Variants in PCDHGA12 observed in about 807,000 individuals in gnomAD.
PCDHGA12 encodes the protein protocadherin gamma-A12.
Under a neutral mutation model 61.1 loss-of-function variants are expected in PCDHGA12, and 43 were observed. The observed-to-expected ratio is 0.70, with a 90% confidence interval of 0.55 to 0.91. The LOEUF is 0.91. Ranked by LOEUF, PCDHGA12 falls within the 40% of genes least tolerant of loss-of-function variation. The pLI is 0.00. For synonymous variants in PCDHGA12, 520 were observed against 542.9 expected (o/e 0.96, Z 0.59); for missense variants, 1,236 against 1,227.7 (o/e 1.01, Z -0.10).
intron 1 of PCDHGA12, among the ~76,000 whole-genome samples, chr5:141,468,921 G>A (rs1254189500): frequency 6.6e-6 from 1 of 151,342 alleles, no homozygotes; most frequent in African/African-American, 2.4e-5. Context: ...GAAGAGAATA[G>A]CACTAAAATG....
rs983317324 is a variant in PCDHGA12, at chr5:141,431,891, G to A, written c.1132G>A (p.Glu378Lys). ...LLNVNDQDSE[E>K]NGQVICFIQG... The stretch of plus-strand genomic sequence containing the variant: ...AAATGTAAATGACCAAGATTCTGAG[G>A]AAAACGGACAGGTGATCTGTTTCAT... Residue 378 changes from glutamate to lysine, a missense_variant, in exon 1 of 4, where the codon GAA becomes AAA. By Grantham distance (56) the Glu-to-Lys change is moderately conservative (BLOSUM62 1). Transcript: ENST00000252085. The surrounding 1 kb of genome is among the most constrained non-coding windows in gnomAD (Gnocchi z 4.8). 16 of 1,614,072 alleles carry A rather than the reference G, an allele frequency of 9.9e-6. No homozygotes were observed. The highest frequency in any genetic ancestry group is 2.7e-5 in the African/African-American group (2 of 74,934).
At chr5:141,454,620 G>T (rs1028840158) in intron 1 of PCDHGA12, among the ~76,000 whole-genome samples, 1 of 151,520 alleles carries the variant, frequency 6.6e-6, no homozygotes, top group East Asian at 1.9e-4. Flanking sequence ...TGGTCAGGCT[G>T]GTCTCGAACC....
chr5:141,446,455 T>G (rs1347586383), intron 1 of PCDHGA12, among the ~76,000 whole-genome samples: 1 of 151,858 alleles, frequency 6.6e-6, no homozygotes, highest in Non-Finnish European at 1.5e-5. Context: ...AGATATTCAG[T>G]GTGTGATTAG....
Position 141,491,935 on chromosome 5 carries a change from C to A in PCDHGA12, c.2425-2872C>A. 1 of 1,205,518 alleles carries A rather than the reference C, an allele frequency of 8.3e-7. No homozygotes were observed. Among genetic ancestry groups the A allele is most frequent in the South Asian group, 1.7e-5 (1 of 59,176 alleles). 74.7% of individuals were successfully genotyped at this position (1,205,518 alleles called of 1,614,324 possible). On this transcript the variant is annotated intron_variant, in intron 1 of 3. Transcript: ENST00000252085. The surrounding 1 kb of genome is among the most constrained non-coding windows in gnomAD (Gnocchi z 6.9). ...GACTGTGGGCGAGGGGAGGTGGGACCGACCCCCACCCCTACACTCAAAAAA... is the reference window on the plus strand; with the variant it reads ...GACTGTGGGCGAGGGGAGGTGGGACAGACCCCCACCCCTACACTCAAAAAA...
At chr5:141,466,450 G>T (rs139024933) in intron 1 of PCDHGA12, among the ~76,000 whole-genome samples, 1 of 152,172 alleles carries the variant, frequency 6.6e-6, no homozygotes, top group Non-Finnish European at 1.5e-5. Context: ...TGTCTATGGT[G>T]TTGGCTATTG....
intron 3 of PCDHGA12, among the ~76,000 whole-genome samples, chr5:141,509,277 T>TC (rs566266970): frequency 0.011 from 1,653 of 152,240 alleles, 22 homozygotes; most frequent in Non-Finnish European, 0.018. Context: ...CGCTACCCGC[T>TC]CCCAGGGTCC....
At chr5:141,443,029 C>T (rs1281303741) in intron 1 of PCDHGA12, among the ~76,000 whole-genome samples, 3 of 152,192 alleles carry the variant, frequency 2.0e-5, no homozygotes, top group Non-Finnish European at 2.9e-5. Flanking sequence ...AGTTGCCAGA[C>T]CTAAACTTTG....
rs2097403311 is a variant in PCDHGA12 at position 141,431,640 on chromosome 5, T to C, written c.881T>C (p.Leu294Pro). 6.2e-7 allele frequency: 1 copy of C among 1,614,094 alleles called. No individual in the cohort carries two copies. The highest frequency in any genetic ancestry group is 8.5e-7 in the Non-Finnish European group (1 of 1,180,040). The change falls in exon 1 of 4, where the codon CTA becomes CCA. Residue 294 changes from leucine (L) to proline (P), a missense_variant. Physicochemically the swap from Leu to Pro is moderately conservative, Grantham distance 98 (BLOSUM62 -3). Coordinates refer to ENST00000252085, the MANE Select transcript of PCDHGA12 (RefSeq NM_003735.3). This position sits in a 1 kb window ranked among gnomAD's most constrained non-coding sequence, Gnocchi z 4.8. ...GACAAGGCGGCCCAAGTTTTCAAACTAGATTGTAATTCAGGGACAATATCA... is the reference window on the plus strand; with the variant it reads ...GACAAGGCGGCCCAAGTTTTCAAACCAGATTGTAATTCAGGGACAATATCA... ...VDDKAAQVFK[L>P]DCNSGTISTI...
intron 1 of PCDHGA12, among the ~76,000 whole-genome samples, chr5:141,492,409 C>G (rs1367119266): frequency 6.6e-6 from 1 of 152,230 alleles, no homozygotes; most frequent in Non-Finnish European, 1.5e-5. Flanking sequence ...TCCCCTCTGC[C>G]GCTCCCTCCG....
chr5:141,466,401 T>A (rs2099122186), intron 1 of PCDHGA12, among the ~76,000 whole-genome samples: 1 of 152,210 alleles, frequency 6.6e-6, no homozygotes, highest in Non-Finnish European at 1.5e-5. Flanking sequence ...TTTGCTCAAC[T>A]TTAATTTTTC....
intron 1 of PCDHGA12, among the ~76,000 whole-genome samples, chr5:141,449,673 G>A (rs7725811): frequency 0.049 from 7,346 of 150,528 alleles, 281 homozygotes; most frequent in African/African-American, 0.1. Flanking sequence ...AAGTGTGTAT[G>A]TATATATGTT....
In PCDHGA12 at chr5:141,432,958, A is replaced by C; in HGVS notation, c.2199A>C (p.Thr733=). 6.2e-7 allele frequency: 1 copy of C among 1,614,182 alleles called. No individual in the cohort carries two copies. Among genetic ancestry groups the C allele is most frequent in the African/African-American group, 1.3e-5 (1 of 75,056 alleles). Residue 733 remains threonine, a synonymous_variant, in exon 1 of 4, where the codon ACA becomes ACC. Transcript: ENST00000252085. This position sits in a 1 kb window ranked among gnomAD's most constrained non-coding sequence, Gnocchi z 6.0. ...RLLQASGGGL[T]GAPASHFVGV... ...TGCAGGCTTCAGGAGGCGGCTTGAC[A>C]GGAGCGCCGGCGTCGCACTTTGTGG...
intron 1 of PCDHGA12, among the ~76,000 whole-genome samples, chr5:141,437,919 G>A (rs2097917914): frequency 1.3e-5 from 2 of 152,078 alleles, no homozygotes; most frequent in Admixed American, 1.3e-4. Context: ...TGTATTTTTA[G>A]TAGAGATGGG....
At chr5:141,445,964 T>C (rs1199096510) in intron 1 of PCDHGA12, among the ~76,000 whole-genome samples, 2 of 152,280 alleles carry the variant, frequency 1.3e-5, no homozygotes, top group South Asian at 4.1e-4. Context: ...ATATGGAGAA[T>C]TGATTTATGA....
At chr5:141,433,318 G>A (rs1659490277) in intron 1 of PCDHGA12, 135 bp downstream of exon 1, 2 of 788,746 alleles carry the variant, frequency 2.5e-6, no homozygotes, top group Non-Finnish European at 4.0e-6. Context: ...CTTTGCCTCC[G>A]GTGTAACAGG....
intron 1 of PCDHGA12, among the ~76,000 whole-genome samples, chr5:141,457,274 C>T (rs1307741345): frequency 1.3e-5 from 2 of 152,200 alleles, no homozygotes; most frequent in Non-Finnish European, 2.9e-5. Context: ...CCTCTGTGGG[C>T]CTACGAAGTT....
chr5:141,435,929 G>A (rs926025053), intron 1 of PCDHGA12, among the ~76,000 whole-genome samples: 10 of 152,134 alleles, frequency 6.6e-5, no homozygotes, highest in African/African-American at 2.4e-4. Flanking sequence ...TGCGGCAGTT[G>A]CTGCTTCTGA....
chr5:141,478,137 G>A (rs762316494), intron 1 of PCDHGA12: 13 of 1,613,872 alleles, frequency 8.1e-6, no homozygotes, highest in African/African-American at 8.0e-5. Context: ...CCTGAAGCCC[G>A]AGCCGAGTTC....
In PCDHGA12 at chr5:141,432,627, C is replaced by G. The variant is rs886117102; in HGVS notation, c.1868C>G (p.Thr623Arg). The change falls in exon 1 of 4, where the codon ACG becomes AGG. Residue 623 changes from threonine to arginine, a missense_variant. By Grantham distance (71) the Thr-to-Arg change is moderately conservative. Transcript: ENST00000252085. This position sits in a 1 kb window ranked among gnomAD's most constrained non-coding sequence, Gnocchi z 6.0. The stretch of plus-strand genomic sequence containing the variant: ...GGACTCTTCTCGGTGGGTCTGCACA[C>G]GGGCGAGGTGCGCACGGCGCGAGCC... The part of the protein sequence containing the change: ...EPGLFSVGLH[T>R]GEVRTARALL... The G allele has an allele frequency of 1.2e-6, 2 of 1,613,652 alleles. No individual in the cohort carries two copies. The highest frequency in any genetic ancestry group is 2.7e-5 in the African/African-American group (2 of 74,886).
Sources: gnomAD v4.1 joint callset for allele counts (sites outside exome capture counted in the v4.1 genomes callset) on GRCh38, gnomAD v4.1.1 for gene constraint, Gnocchi (gnomAD v3.1) non-coding constraint, MANE v1.5 for transcripts, NCBI Gene and HGNC (gene_info 2026-07-23, HGNC 2026-07-21) for gene names.